SCFD2: variants seen among roughly 807,000 people sequenced by gnomAD.
SCFD2 encodes the protein sec1 family domain-containing protein 2.
Under a neutral mutation model 58.9 loss-of-function variants are expected in SCFD2, and 54 were observed. The observed-to-expected ratio is 0.92, with a 90% CI of 0.74 to 1.15. SCFD2 has a LOEUF of 1.15. Among genes scored for constraint, SCFD2 ranks in the 50% most tolerant of loss-of-function variants. SCFD2 has a pLI of 0.00. For synonymous variants in SCFD2, 321 were observed against 335.9 expected, an observed-to-expected ratio of 0.96 and a Z score of 0.49; for missense variants, 805 against 836.6, an observed-to-expected ratio of 0.96 and a Z score of 0.47.
intron 5 of SCFD2, among the ~76,000 whole-genome samples, chr4:53,082,633 A>T (rs1161249890): frequency 6.6e-6 from 1 of 152,074 alleles, no homozygotes; most frequent in Non-Finnish European, 1.5e-5. Context: ...AGCCTGAGGA[A>T]AGAAGATCTA....
At chr4:53,256,089 G>C (rs1284523193) in intron 4 of SCFD2, among the ~76,000 whole-genome samples, 1 of 151,348 alleles carries the variant, frequency 6.6e-6, no homozygotes, top group Non-Finnish European at 1.5e-5. Context: ...CCTCCCGGAC[G>C]GGGTGGCTGC....
rs1200370570 is a variant in SCFD2 at position 53,270,162 on chromosome 4, T to G, written c.1311+3664A>C. Among the ~76,000 whole-genome samples the G allele has an allele frequency of 6.6e-5, 10 of 152,344 alleles. No individual in the cohort carries two copies. The East Asian group carries it at 1.5e-3, about 23-fold the overall frequency. ...ACATGTGTATGAGTATATGTGTGTG[T>G]GGGAACAAGTTGAATTTGTCCCAGG... On this transcript the variant is annotated intron_variant, in intron 4 of 8. Coordinates refer to ENST00000401642, the MANE Select transcript of SCFD2 (RefSeq NM_152540.4).
intron 4 of SCFD2, among the ~76,000 whole-genome samples, chr4:53,204,242 G>A (rs1246179574): frequency 6.6e-6 from 1 of 151,858 alleles, no homozygotes; most frequent in Non-Finnish European, 1.5e-5. Flanking sequence ...TCTGCAGAAA[G>A]TTTCTAACAT....
chr4:52,968,293 C>T (rs1159851760), intron 5 of SCFD2, among the ~76,000 whole-genome samples: 1 of 152,218 alleles, frequency 6.6e-6, no homozygotes, highest in East Asian at 1.9e-4. Flanking sequence ...ATGCTGTGCA[C>T]AAAAGATATT....
chr4:53,335,717 AT>A (rs1372141416), intron 2 of SCFD2, among the ~76,000 whole-genome samples: 2 of 152,136 alleles, frequency 1.3e-5, no homozygotes, highest in African/African-American at 4.8e-5. Context: ...TTATTAATAA[AT>A]TTTTTATAAA....
At chr4:53,283,748 T>TTTTC (rs1731576030) in intron 3 of SCFD2, among the ~76,000 whole-genome samples, 1 of 151,984 alleles carries the variant, frequency 6.6e-6, no homozygotes, top group Non-Finnish European at 1.5e-5. Context: ...TTTGTATTTT[T>TTTTC]TTTCTTTTAG....
intron 2 of SCFD2, among the ~76,000 whole-genome samples, chr4:53,338,575 C>CTATTT (rs1733752203): frequency 4.1e-5 from 3 of 72,296 alleles, no homozygotes; most frequent in African/African-American, 1.5e-4. Flanking sequence ...GTATATTTTT[C>CTATTT]TTTTTTTTTT....
intron 5 of SCFD2, among the ~76,000 whole-genome samples, chr4:53,134,260 T>C (rs1448132434): frequency 6.6e-6 from 1 of 152,204 alleles, no homozygotes; most frequent in Non-Finnish European, 1.5e-5. Flanking sequence ...ATTCTACTTA[T>C]TCTGCTGTGC....
At chr4:53,092,140 T>C (rs1310141357) in intron 5 of SCFD2, among the ~76,000 whole-genome samples, 2 of 152,170 alleles carry the variant, frequency 1.3e-5, no homozygotes, top group Non-Finnish European at 2.9e-5. Flanking sequence ...TTTCATTCAA[T>C]AAATATTTAC....
At chr4:53,057,139 C>T (rs74715466) in intron 5 of SCFD2, among the ~76,000 whole-genome samples, 11 of 151,912 alleles carry the variant, frequency 7.2e-5, no homozygotes, top group African/African-American at 2.7e-4. Flanking sequence ...GAGCTGAGAT[C>T]GCACCACTGC....
rs528887040 is a variant in SCFD2 at position 53,303,712 on chromosome 4, G to A, written c.1135+9924C>T. On this transcript the variant is annotated intron_variant, in intron 3 of 8. Coordinates refer to ENST00000401642, the MANE Select transcript of SCFD2 (RefSeq NM_152540.4). ...GACTTGGAACCAACCCAAATGTCCAGCAATGATAGACTGGATTAAGAAAAT... is the reference window on the plus strand; with the variant it reads ...GACTTGGAACCAACCCAAATGTCCAACAATGATAGACTGGATTAAGAAAAT... Among the ~76,000 whole-genome samples, 789 of 151,884 alleles carry A rather than the reference G, an allele frequency of 5.2e-3. 9 individuals carry two copies. The highest frequency in any genetic ancestry group is 0.018 in the African/African-American group (741 of 41,422).
chr4:53,072,494 T>G (rs1312658822), intron 5 of SCFD2, among the ~76,000 whole-genome samples: 1 of 152,004 alleles, frequency 6.6e-6, no homozygotes, highest in East Asian at 1.9e-4. Context: ...CATCTTCCCT[T>G]TCTTTGTCAC....
intron 5 of SCFD2, among the ~76,000 whole-genome samples, chr4:53,049,167 T>C (rs1227644169): frequency 6.6e-6 from 1 of 152,166 alleles, no homozygotes; most frequent in African/African-American, 2.4e-5. Flanking sequence ...ATTTTCTTGC[T>C]GGAAACAAAT....
At chr4:53,317,332 C>T (rs1436079023) in intron 2 of SCFD2, among the ~76,000 whole-genome samples, 1 of 152,082 alleles carries the variant, frequency 6.6e-6, no homozygotes, top group Non-Finnish European at 1.5e-5. Flanking sequence ...CTCCTGCACC[C>T]ACTTCTTCAC....
chr4:53,072,341 A>T (rs548015668), intron 5 of SCFD2, among the ~76,000 whole-genome samples: 1 of 152,096 alleles, frequency 6.6e-6, no homozygotes, highest in Non-Finnish European at 1.5e-5. Context: ...GCCCCAAATT[A>T]TTTCTTTTTT....
At chr4:53,309,599 C>A (rs1732626179) in intron 3 of SCFD2, among the ~76,000 whole-genome samples, 1 of 151,894 alleles carries the variant, frequency 6.6e-6, no homozygotes, top group South Asian at 2.1e-4. Flanking sequence ...TATAACCAGG[C>A]TGAACATGGA....
chr4:53,277,576 C>T (rs1731364751), intron 3 of SCFD2, among the ~76,000 whole-genome samples: 1 of 152,182 alleles, frequency 6.6e-6, no homozygotes, highest in South Asian at 2.1e-4. Context: ...CCAACCCCAT[C>T]TCCTCAACTG....
In SCFD2 at chr4:53,253,333, A is replaced by T. The variant is rs557347757; in HGVS notation, c.1311+20493T>A. 9.2e-5 allele frequency among the ~76,000 whole-genome samples: 14 copies of T among 152,250 alleles called. No individual in the cohort carries two copies. In the South Asian group the frequency reaches 2.9e-3, roughly 32 times the overall value. On this transcript the variant is annotated intron_variant, in intron 4 of 8. Transcript: ENST00000401642. ...AACCATTGTGGAAGTCAGTGTGGCGATTCCTCAGGGATCTAGAACTAGAAA... is the reference window on the plus strand; with the variant it reads ...AACCATTGTGGAAGTCAGTGTGGCGTTTCCTCAGGGATCTAGAACTAGAAA...
intron 7 of SCFD2, among the ~76,000 whole-genome samples, chr4:52,904,463 G>A (rs1307211961): frequency 1.3e-5 from 2 of 152,180 alleles, no homozygotes; most frequent in East Asian, 1.9e-4. Flanking sequence ...CAATGAAGAT[G>A]CAATGTGTAC....
Sources: gnomAD v4.1 joint callset for allele counts (sites outside exome capture counted in the v4.1 genomes callset) on GRCh38, gnomAD v4.1.1 for gene constraint, MANE v1.5 for transcripts, NCBI Gene and HGNC (gene_info 2026-07-23, HGNC 2026-07-21) for gene names.